The following LRRC34 variants were observed in gnomAD, a reference collection of about 807,000 sequenced individuals.
LRRC34 encodes leucine rich repeat containing 34, also known as leucine-rich repeat-containing protein 34.
A neutral mutation model predicts 48.5 loss-of-function variants in LRRC34; 44 were observed. That is an observed-to-expected ratio of 0.91 (90% CI 0.71 to 1.17). LRRC34 has a LOEUF of 1.17. Among genes scored for constraint, LRRC34 ranks in the 50% most tolerant of loss-of-function variants. The pLI, the probability that LRRC34 is intolerant of heterozygous loss-of-function variation, is 0.00. For missense variants in LRRC34, 502 were observed against 563.0 expected, an observed-to-expected ratio of 0.89 and a Z score of 1.10; for synonymous variants, 192 against 197.6, an observed-to-expected ratio of 0.97 and a Z score of 0.24.
In LRRC34 at chr3:169,812,844, A is replaced by G. The variant is rs1779653444; in HGVS notation, c.-296T>C. 1 of 391,554 alleles carries G rather than the reference A, an allele frequency of 2.6e-6. No homozygotes were observed. The highest frequency in any genetic ancestry group is 4.6e-6 in the Non-Finnish European group (1 of 218,996). 24.3% of individuals were successfully genotyped at this position (391,554 alleles called of 1,614,324 possible). A position where few individuals can be genotyped will look rare whatever the true frequency, so the allele number is the denominator to read the frequency against. On this transcript the variant is annotated 5_prime_UTR_variant, in exon 1 of 11. Transcript: ENST00000446859. The surrounding 1 kb of genome is among the most constrained non-coding windows in gnomAD (Gnocchi z 4.3). The stretch of plus-strand genomic sequence containing the variant: ...ATTATGACAAAGCCCGCTCCTACAA[A>G]GTGTGCACCGGCCTGCCGGGCCAGC...
At chr3:169,803,922 T>C (rs1779279968) in intron 6 of LRRC34, 131 bp downstream of exon 6, 1 of 741,018 alleles carries the variant, frequency 1.3e-6, no homozygotes, top group African/African-American at 1.8e-5. Context: ...TGCACTATTA[T>C]GTCTAGGGGA....
intron 5 of LRRC34, among the ~76,000 whole-genome samples, chr3:169,806,343 G>C (rs1302580489): frequency 6.6e-6 from 1 of 152,016 alleles, no homozygotes; most frequent in Non-Finnish European, 1.5e-5. Flanking sequence ...TTGTGACTGG[G>C]TTTTCAAGAT....
Position 169,806,835 on chromosome 3 carries a change from C to T in LRRC34, c.528+13G>A. On this transcript the variant is annotated intron_variant, in intron 5 of 10. Coordinates refer to ENST00000446859, the MANE Select transcript of LRRC34 (RefSeq NM_001172779.2). The stretch of plus-strand genomic sequence containing the variant: ...CCAAATACAATGTTAGTTTGAAATA[C>T]ATAAATGCTTACATGTAGCACTTTA... 1 of 1,537,226 alleles carries T rather than the reference C, an allele frequency of 6.5e-7. No homozygotes were observed. Among genetic ancestry groups the T allele is most frequent in the Non-Finnish European group, 9.0e-7 (1 of 1,116,968 alleles).
chr3:169,803,891 A>T, intron 6 of LRRC34, 162 bp downstream of exon 6: 1 of 482,670 alleles, frequency 2.1e-6, no homozygotes, highest in Non-Finnish European at 3.5e-6. Flanking sequence ...TATTTACTAT[A>T]GTCTGATTTT....
chr3:169,803,752 A>C (rs1779274101), intron 6 of LRRC34, among the ~76,000 whole-genome samples: 1 of 152,228 alleles, frequency 6.6e-6, no homozygotes, highest in Admixed American at 6.5e-5. Flanking sequence ...AAAAGTAAAA[A>C]ATTATATGAA....
In LRRC34 at chr3:169,795,466, GA is replaced by G; in HGVS notation, c.1191+18del. 1 of 1,584,350 alleles carries G rather than the reference GA, an allele frequency of 6.3e-7. No homozygotes were observed. Among genetic ancestry groups the G allele is most frequent in the South Asian group, 1.1e-5 (1 of 87,132 alleles). ...ATCCCAGAAAAAGCCTTCAGTGAAGGAAAAAACTTAAAACTTACTATACACG... is the reference window on the plus strand; with the variant it reads ...ATCCCAGAAAAAGCCTTCAGTGAAGGAAAAACTTAAAACTTACTATACACG... On this transcript the variant is annotated intron_variant, in intron 10 of 10. Transcript: ENST00000446859.
rs763642774 is a variant in LRRC34 at position 169,795,440 on chromosome 3, G to A, written c.1191+45C>T. ...AAATAATATCTGATGTTACAGAGAT[G>A]ATCCCAGAAAAAGCCTTCAGTGAAG... is the stretch of plus-strand genomic sequence containing the variant. On this transcript the variant is annotated intron_variant, in intron 10 of 10. Transcript: ENST00000446859. The A allele has an allele frequency of 7.1e-6, 11 of 1,560,194 alleles. No homozygotes were observed. The South Asian group carries it at 1.1e-4, about 15-fold the overall frequency.
At chr3:169,803,797 T>C (rs1779276308) in intron 6 of LRRC34, among the ~76,000 whole-genome samples, 1 of 152,256 alleles carries the variant, frequency 6.6e-6, no homozygotes, top group South Asian at 2.1e-4. Flanking sequence ...GTGAACATGA[T>C]CTTTTTCTAA....
intron 7 of LRRC34, 68 bp from the exon 8 acceptor site, chr3:169,796,967 T>C (rs1576733576): frequency 1.5e-5 from 18 of 1,209,412 alleles, no homozygotes; most frequent in East Asian, 1.4e-4. Context: ...TTCAGACATA[T>C]GCTGTTATTT....
Position 169,793,823 on chromosome 3 carries a change from T to C in LRRC34, c.1207A>G (p.Ile403Val). The change falls in exon 11 of 11, where the codon ATT becomes GTT. Residue 403 changes from isoleucine to valine, a missense_variant. By Grantham distance (29) the Ile-to-Val change is conservative (BLOSUM62 3). Transcript: ENST00000446859. ...TCTGGTTTTAGACAACCCATTTGAA[T>C]TAAGTCTGAATATGCCTAGGATTTT... is the stretch of plus-strand genomic sequence containing the variant. ...EATCIAYSDL[I>V]QMGCLKPDNT... The C allele has an allele frequency of 6.2e-7, 1 of 1,610,974 alleles. No individual in the cohort carries two copies. Among genetic ancestry groups the C allele is most frequent in the Non-Finnish European group, 8.5e-7 (1 of 1,179,034 alleles).
Position 169,793,817 on chromosome 3 carries a change from T to A in LRRC34, c.1213A>T (p.Met405Leu), listed in dbSNP as rs1778883122. 1 of 1,611,760 alleles carries A rather than the reference T, an allele frequency of 6.2e-7. No homozygotes were observed. Among genetic ancestry groups the A allele is most frequent in the Non-Finnish European group, 8.5e-7 (1 of 1,179,266 alleles). The change falls in exon 11 of 11, where the codon ATG becomes TTG. Residue 405 changes from methionine (M) to leucine (L), a missense_variant. Coordinates refer to ENST00000446859, the MANE Select transcript of LRRC34 (RefSeq NM_001172779.2). ...TCIAYSDLIQ[M>L]GCLKPDNTDV... ...GTATTGTCTGGTTTTAGACAACCCA[T>A]TTGAATTAAGTCTGAATATGCCTAG...
At chr3:169,795,827 ATAT>A in intron 9 of LRRC34, 1 of 1,225,460 alleles carries the variant, frequency 8.2e-7, no homozygotes, top group Non-Finnish European at 1.0e-6. Flanking sequence ...CTTCTGTTTT[ATAT>A]TATTCAGTAA....
At chr3:169,799,815 C>T (rs1203664037) in intron 7 of LRRC34, among the ~76,000 whole-genome samples, 2 of 152,022 alleles carry the variant, frequency 1.3e-5, no homozygotes, top group Non-Finnish European at 2.9e-5. Context: ...TGGGTTCAAG[C>T]GATTCTCCTG....
intron 1 of LRRC34, among the ~76,000 whole-genome samples, chr3:169,811,833 G>A (rs543197924): frequency 1.3e-5 from 2 of 152,322 alleles, no homozygotes; most frequent in African/African-American, 2.4e-5. Context: ...TCTCCTGGAT[G>A]CAGTATTATT....
intron 1 of LRRC34, 72 bp from the exon 2 acceptor site, chr3:169,808,817 C>T: frequency 1.2e-6 from 1 of 845,246 alleles, no homozygotes; most frequent in Non-Finnish European, 1.9e-6. Flanking sequence ...TAAAAACTAC[C>T]TCTTTCAAAT....
At chr3:169,808,540 GC>G in intron 2 of LRRC34, 87 bp downstream of exon 2, 1 of 733,168 alleles carries the variant, frequency 1.4e-6, no homozygotes, top group Non-Finnish European at 2.3e-6. Context: ...TTTTCAAATG[GC>G]TATAAAATCA....
intron 7 of LRRC34, among the ~76,000 whole-genome samples, chr3:169,798,054 G>A (rs1779060336): frequency 6.6e-6 from 1 of 152,180 alleles, no homozygotes; most frequent in Non-Finnish European, 1.5e-5. Flanking sequence ...ATGTAGACTA[G>A]GATCTTTAAA....
At position 169,795,544 on chromosome 3, in the gene LRRC34, T is replaced by C. The variant is rs761607684; in HGVS notation, c.1132A>G (p.Asn378Asp). 2.5e-6 allele frequency: 4 copies of C among 1,612,808 alleles called. No individual in the cohort carries two copies. Among genetic ancestry groups the C allele is most frequent in the East Asian group, 4.5e-5 (2 of 44,764 alleles). Residue 378 changes from asparagine to aspartate, a missense_variant, in exon 10 of 11, where the codon AAT (asparagine) becomes GAT (aspartate). Asn to Asp is a conservative substitution (Grantham distance 23). Transcript: ENST00000446859. Reference protein sequence around the residue: ...LVALSQSMKTNLTFSHIYIWG... With the variant: ...LVALSQSMKTDLTFSHIYIWG... Reference sequence around the variant, plus strand: ...ATGTAGATATGAGAGAAAGTGAGATTTGTTTTCATTGATTGTGAAAGTGCA... The same window carrying C: ...ATGTAGATATGAGAGAAAGTGAGATCTGTTTTCATTGATTGTGAAAGTGCA...
intron 6 of LRRC34, among the ~76,000 whole-genome samples, chr3:169,802,711 T>G (rs940613676): frequency 3.3e-5 from 5 of 151,966 alleles, no homozygotes; most frequent in African/African-American, 1.2e-4. Flanking sequence ...TGTGGCTCAC[T>G]CCTGTAATCC....
Sources: allele counts gnomAD v4.1 joint callset (sites outside exome capture counted in the v4.1 genomes callset), GRCh38; gene constraint gnomAD v4.1.1; non-coding constraint Gnocchi (gnomAD v3.1); transcripts MANE v1.5; gene names NCBI Gene and HGNC (gene_info 2026-07-23, HGNC 2026-07-21).